TP53BP2: variants seen among roughly 807,000 people sequenced by gnomAD.
The protein encoded by TP53BP2 is apoptosis-stimulating of p53 protein 2.
A neutral mutation model predicts 126.2 loss-of-function variants in TP53BP2; 62 were observed. The ratio of observed to expected loss-of-function variants is 0.49; its 90% CI spans 0.40 to 0.61. TP53BP2 has a LOEUF of 0.61. TP53BP2 is among the 20% of genes least tolerant of loss of function. The pLI is 0.00. For missense variants in TP53BP2, 1,215 were observed against 1,402.8 expected, an observed-to-expected ratio of 0.87 and a Z score of 2.14; for synonymous variants, 485 against 502.9, an observed-to-expected ratio of 0.96 and a Z score of 0.48.
At chr1:223,830,247 T>C (rs2102882064) in intron 1 of TP53BP2, among the ~76,000 whole-genome samples, 1 of 152,322 alleles carries the variant, frequency 6.6e-6, no homozygotes, top group Non-Finnish European at 1.5e-5. Context: ...AAATCCAAAA[T>C]GCACCAATGT....
chr1:223,787,905 G>A (rs187951514), intron 16 of TP53BP2, among the ~76,000 whole-genome samples: 6 of 151,512 alleles, frequency 4.0e-5, no homozygotes, highest in African/African-American at 9.7e-5. Context: ...TAAATAAATA[G>A]ATAATAATTA....
intron 16 of TP53BP2, among the ~76,000 whole-genome samples, chr1:223,785,474 A>T (rs542967017): frequency 3.3e-5 from 5 of 152,364 alleles, no homozygotes; most frequent in Admixed American, 1.3e-4. Flanking sequence ...CAAAGTTTTT[A>T]AAATGGCCAC....
chr1:223,793,289 A>T lies in TP53BP2; in HGVS notation c.2862+14T>A. On this transcript the variant is annotated intron_variant, in intron 14 of 17. Transcript: ENST00000343537. ...TCTGACTCAAAAAAAAAAATTTACT[A>T]ATTATAATCATACCTCATAAATAAT... is the stretch of plus-strand genomic sequence containing the variant. The T allele has an allele frequency of 6.5e-7, 1 of 1,542,496 alleles. No homozygotes were observed. Among genetic ancestry groups the T allele is most frequent in the Non-Finnish European group, 8.7e-7 (1 of 1,150,118 alleles).
At chr1:223,831,466 TAAAAAAAAAA>T (rs1157082703) in intron 1 of TP53BP2, among the ~76,000 whole-genome samples, 3 of 43,710 alleles carry the variant, frequency 6.9e-5, no homozygotes, top group Non-Finnish European at 1.1e-4. Context: ...ATGTACCATC[TAAAAAAAAAA>T]AAAAATATAT....
intron 2 of TP53BP2, among the ~76,000 whole-genome samples, chr1:223,816,824 T>A (rs1054082599): frequency 2.6e-5 from 4 of 151,298 alleles, no homozygotes; most frequent in Non-Finnish European, 4.4e-5. Context: ...TCCCATAACA[T>A]CATGTTGTAT....
intron 1 of TP53BP2, among the ~76,000 whole-genome samples, chr1:223,826,616 G>A (rs1663504216): frequency 6.6e-6 from 1 of 152,166 alleles, no homozygotes; most frequent in African/African-American, 2.4e-5. Flanking sequence ...AGTGGTGATA[G>A]TTACACAACA....
intron 1 of TP53BP2, chr1:223,845,332 C>CA (rs1664229165): frequency 4.7e-6 from 4 of 848,556 alleles, no homozygotes; most frequent in Admixed American, 6.2e-5. Flanking sequence ...TCAAGAACTG[C>CA]AAAAAAGTCA....
intron 1 of TP53BP2, among the ~76,000 whole-genome samples, chr1:223,828,440 CAAT>C (rs1408178159): frequency 6.6e-6 from 1 of 152,152 alleles, no homozygotes; most frequent in East Asian, 1.9e-4. Flanking sequence ...TTTAAGCAAT[CAAT>C]GATGAAAATA....
intron 15 of TP53BP2, among the ~76,000 whole-genome samples, chr1:223,791,793 T>C (rs546560837): frequency 2.0e-5 from 3 of 152,260 alleles, no homozygotes; most frequent in East Asian, 1.9e-4. Flanking sequence ...AAAAATAACA[T>C]ACAAAATTTG....
chr1:223,800,272 C>T (rs1216473253), intron 10 of TP53BP2, among the ~76,000 whole-genome samples: 2 of 152,092 alleles, frequency 1.3e-5, no homozygotes, highest in African/African-American at 4.8e-5. Flanking sequence ...TAAATATTGT[C>T]CCTATTGTTA....
chr1:223,831,801 A>G (rs1663744089), intron 1 of TP53BP2, among the ~76,000 whole-genome samples: 1 of 150,914 alleles, frequency 6.6e-6, no homozygotes, highest in Admixed American at 6.6e-5. Flanking sequence ...GTGCCAGGCC[A>G]CCTACAGGCA....
rs568137786 is a variant in TP53BP2 at position 223,791,183 on chromosome 1, T to C, written c.2996+1206A>G. ...GGCTCATACCTATAAACCCACCACTTTGAAAGGCTCGGGCAGGAGGATCAC... is the reference window on the plus strand; with the variant it reads ...GGCTCATACCTATAAACCCACCACTCTGAAAGGCTCGGGCAGGAGGATCAC... On this transcript the variant is annotated intron_variant, in intron 15 of 17. Coordinates refer to ENST00000343537, the MANE Select transcript of TP53BP2 (RefSeq NM_001031685.3). 6.6e-5 allele frequency among the ~76,000 whole-genome samples: 10 copies of C among 152,144 alleles called. No individual in the cohort carries two copies. The East Asian group carries it at 1.9e-3, about 29-fold the overall frequency.
intron 1 of TP53BP2, among the ~76,000 whole-genome samples, chr1:223,840,479 A>G (rs1382548326): frequency 6.6e-6 from 1 of 152,228 alleles, no homozygotes; most frequent in Non-Finnish European, 1.5e-5. Context: ...TGTTCTTCTT[A>G]TTCTGTGAGA....
chr1:223,820,114 A>C (rs943831913), intron 2 of TP53BP2, among the ~76,000 whole-genome samples: 3 of 152,240 alleles, frequency 2.0e-5, no homozygotes, highest in Non-Finnish European at 4.4e-5. Flanking sequence ...TGCAATCCAG[A>C]AGGAACCAGC....
chr1:223,793,532 A>C (rs1662220244), intron 13 of TP53BP2, 92 bp from the exon 14 acceptor site: 5 of 1,238,328 alleles, frequency 4.0e-6, no homozygotes, highest in Middle Eastern at 4.0e-4. Flanking sequence ...CACCTAAATT[A>C]GTGAGAGGCA....
chr1:223,836,356 G>A (rs1327564108), intron 1 of TP53BP2, among the ~76,000 whole-genome samples: 2 of 152,198 alleles, frequency 1.3e-5, no homozygotes, highest in Non-Finnish European at 2.9e-5. Flanking sequence ...GTGACCGGAT[G>A]CTCTTCTGCA....
At chr1:223,799,878 A>C in intron 11 of TP53BP2, 21 bp downstream of exon 11, 5 of 1,553,908 alleles carry the variant, frequency 3.2e-6, no homozygotes, top group Non-Finnish European at 4.3e-6. Flanking sequence ...AAATTTTAAA[A>C]ACCAGGATAT....
At chr1:223,822,539 C>A (rs1404989888) in intron 1 of TP53BP2, among the ~76,000 whole-genome samples, 1 of 151,926 alleles carries the variant, frequency 6.6e-6, no homozygotes, top group Non-Finnish European at 1.5e-5. Flanking sequence ...CATGGTGGCA[C>A]ATGCCTGTGG....
chr1:223,810,397 G>A lies in TP53BP2; in HGVS notation c.372+34C>T, dbSNP rs762235665. 5.5e-6 allele frequency: 8 copies of A among 1,462,258 alleles called. No homozygotes were observed. In the Admixed American group the frequency reaches 9.5e-5, roughly 17 times the overall value. 90.6% of individuals were successfully genotyped at this position (1,462,258 alleles called of 1,614,324 possible). ...AAAGTTAAAAAATATGTATCACTGT[G>A]GTATATACAGTATGGATAAAAACAA... On this transcript the variant is annotated intron_variant, in intron 4 of 17. Coordinates refer to ENST00000343537, the MANE Select transcript of TP53BP2 (RefSeq NM_001031685.3).
Sources: allele counts gnomAD v4.1 joint callset (sites outside exome capture counted in the v4.1 genomes callset), GRCh38; gene constraint gnomAD v4.1.1; transcripts MANE v1.5; gene names NCBI Gene and HGNC (gene_info 2026-07-23, HGNC 2026-07-21).